The following PLXNA4 variants were observed in gnomAD, a reference collection of about 807,000 sequenced individuals.
PLXNA4 encodes plexin-A4.
PLXNA4 carries 44 observed loss-of-function variants against 191.8 expected under a neutral mutation model. The observed-to-expected ratio is 0.23, with a 90% CI of 0.18 to 0.29. The LOEUF (loss-of-function observed/expected upper bound fraction) is 0.29, where lower values mean the gene tolerates loss of function less well. PLXNA4 is among the 10% of genes least tolerant of loss of function. The probability of loss-of-function intolerance (pLI) is 1.00; values close to 1 mark genes in which losing one functional copy is unlikely to be tolerated. For missense variants in PLXNA4, 1,800 were observed against 2,488.8 expected (o/e 0.72, Z 5.89); for synonymous variants, 1,082 against 1,009.5 (o/e 1.07, Z -1.36).
chr7:132,366,933 T>G (rs1163001296), intron 3 of PLXNA4, among the ~76,000 whole-genome samples: 2 of 152,002 alleles, frequency 1.3e-5, no homozygotes, highest in Non-Finnish European at 2.9e-5. Context: ...AGCTAATTTT[T>G]TTGTTGTTGT....
chr7:132,179,765 C>G lies in PLXNA4; in HGVS notation c.3796G>C (p.Glu1266Gln), dbSNP rs1307432722. 2 of 1,614,116 alleles carry G rather than the reference C, an allele frequency of 1.2e-6. No homozygotes were observed. The highest frequency in any genetic ancestry group is 1.7e-6 in the Non-Finnish European group (2 of 1,180,040). The change falls in exon 20 of 32, where the codon GAA (glutamate) becomes CAA (glutamine). Residue 1266 changes from glutamate (E) to glutamine (Q), a missense_variant. Coordinates refer to ENST00000321063, the MANE Select transcript of PLXNA4 (RefSeq NM_020911.2). ...VLIAYKRKSR[E>Q]SDLTLKRLQM... ...AGCCGCTTCAGCGTGAGGTCACTTT[C>G]GCGGGACTTGCGTTTATAGGCAATG...
intron 1 of PLXNA4, among the ~76,000 whole-genome samples, chr7:132,550,195 G>T (rs1800498218): frequency 6.6e-6 from 1 of 152,168 alleles, no homozygotes; most frequent in African/African-American, 2.4e-5. Flanking sequence ...TTGCAACTCA[G>T]AGTACCCCTG....
In PLXNA4 at chr7:132,257,624, G is replaced by T. The variant is rs1050873460; in HGVS notation, c.1504-16458C>A. On this transcript the variant is annotated intron_variant, in intron 4 of 31. Transcript: ENST00000321063. ...ATCCTGTCTTGGGGCCAAGGGTATG[G>T]TCTGGGGACACAGAGCAGCAGGAGC... is the stretch of plus-strand genomic sequence containing the variant. Among the ~76,000 whole-genome samples the T allele has an allele frequency of 2.0e-5, 3 of 152,196 alleles. No individual in the cohort carries two copies. The East Asian group carries it at 5.8e-4, about 29-fold the overall frequency.
intron 1 of PLXNA4, among the ~76,000 whole-genome samples, chr7:132,561,355 TCTCC>T (rs1297327687): frequency 7.1e-6 from 1 of 141,052 alleles, no homozygotes; most frequent in Admixed American, 7.1e-5. Context: ...CTCCTCTTCC[TCTCC>T]CTCCTTCTTG....
At chr7:132,616,616 A>T (rs1330393294) in intron 2 of PLXNA4, among the ~76,000 whole-genome samples, 1 of 152,244 alleles carries the variant, frequency 6.6e-6, no homozygotes, top group Non-Finnish European at 1.5e-5. Context: ...AACATTATTT[A>T]TACTACAAAT....
At chr7:132,385,299 GA>G (rs1433003487) in intron 3 of PLXNA4, 1 of 1,608,972 alleles carries the variant, frequency 6.2e-7, no homozygotes, top group South Asian at 1.1e-5. Flanking sequence ...CAGGCATCTG[GA>G]AAAGATGAAA....
At position 132,454,342 on chromosome 7, in the gene PLXNA4, C is replaced by G. The variant is rs566418355; in HGVS notation, c.1371+34950G>C. 1.2e-4 allele frequency among the ~76,000 whole-genome samples: 19 copies of G among 152,294 alleles called. No homozygotes were observed. The South Asian group carries it at 3.7e-3, about 30-fold the overall frequency. ...TGCATTGCCTTCTTAAGAACAACAA[C>G]AAGAAGCCTCTCCATTTTCTTTGCA... is the stretch of plus-strand genomic sequence containing the variant. On this transcript the variant is annotated intron_variant, in intron 3 of 31. Coordinates refer to ENST00000321063, the MANE Select transcript of PLXNA4 (RefSeq NM_020911.2).
chr7:132,388,392 T>C (rs560547260), intron 3 of PLXNA4, among the ~76,000 whole-genome samples: 1 of 152,272 alleles, frequency 6.6e-6, no homozygotes, highest in African/African-American at 2.4e-5. Context: ...CCACATTGTG[T>C]CCCTGCCTGA....
intron 3 of PLXNA4, among the ~76,000 whole-genome samples, chr7:132,412,847 C>T (rs950150680): frequency 1.3e-5 from 2 of 152,038 alleles, no homozygotes; most frequent in African/African-American, 4.8e-5. Context: ...CCTGGAGCAC[C>T]GGGGAGGGAC....
chr7:132,222,804 A>C (rs1267503562), intron 9 of PLXNA4, among the ~76,000 whole-genome samples: 2 of 152,246 alleles, frequency 1.3e-5, no homozygotes, highest in African/African-American at 4.8e-5. Context: ...TGAGTGTTCA[A>C]GAAGAATAAA....
At chr7:132,420,219 C>G (rs774633149) in intron 3 of PLXNA4, among the ~76,000 whole-genome samples, 1 of 152,222 alleles carries the variant, frequency 6.6e-6, no homozygotes, top group Non-Finnish European at 1.5e-5. Context: ...AATTGATGGT[C>G]TCTGTTCCCC....
At chr7:132,447,818 C>T (rs1795967764) in intron 3 of PLXNA4, among the ~76,000 whole-genome samples, 2 of 73,722 alleles carry the variant, frequency 2.7e-5, no homozygotes, top group Admixed American at 2.0e-4. Context: ...TGAAGCCCAC[C>T]TGTACTTAAA....
At chr7:132,563,918 TCTCCTCCTTTTCCTCGTCCTC>T (rs1801547452) in intron 1 of PLXNA4, among the ~76,000 whole-genome samples, 1 of 95,556 alleles carries the variant, frequency 1.0e-5, no homozygotes, top group Non-Finnish European at 2.1e-5. Context: ...TCCTCCTCCT[TCTCCTCCTTTTCCTCGTCCTC>T]CTCCTCCTCC....
At chr7:132,553,941 T>C (rs1800678896) in intron 1 of PLXNA4, among the ~76,000 whole-genome samples, 1 of 152,126 alleles carries the variant, frequency 6.6e-6, no homozygotes, top group African/African-American at 2.4e-5. Flanking sequence ...TTTCAGCCCT[T>C]ATTTGCTCCC....
chr7:132,297,155 G>A (rs1407597850), intron 4 of PLXNA4, among the ~76,000 whole-genome samples: 2 of 152,160 alleles, frequency 1.3e-5, no homozygotes, highest in Admixed American at 6.5e-5. Flanking sequence ...TTCAGGCCAC[G>A]CTGACGAGGA....
intron 8 of PLXNA4, among the ~76,000 whole-genome samples, chr7:132,225,010 G>A (rs1409300769): frequency 1.3e-5 from 2 of 152,166 alleles, no homozygotes; most frequent in Non-Finnish European, 2.9e-5. Context: ...AGTTCCTTTG[G>A]AGAATGTGTA....
At chr7:132,514,802 GCA>G (rs10632716) in intron 1 of PLXNA4, among the ~76,000 whole-genome samples, 53,589 of 148,582 alleles carry the variant, frequency 0.36, 9,647 homozygotes, top group African/African-American at 0.45. Flanking sequence ...GTGTCTCTAT[GCA>G]CACACACACA....
intron 3 of PLXNA4, among the ~76,000 whole-genome samples, chr7:132,311,193 T>TGTGTGTGTGTGTGTGCGCGC (rs71178034): frequency 1.6e-4 from 14 of 89,906 alleles, no homozygotes; most frequent in African/African-American, 3.8e-4. Context: ...TGTGTGTGTG[T>TGTGTGTGTGTGTGTGCGCGC]GCGCGTGTGG....
At chr7:132,370,692 C>A (rs1184639897) in intron 3 of PLXNA4, among the ~76,000 whole-genome samples, 1 of 152,132 alleles carries the variant, frequency 6.6e-6, no homozygotes, top group East Asian at 1.9e-4. Flanking sequence ...CTATGTATAA[C>A]AAACTCATGC....
Sources: allele counts gnomAD v4.1 joint callset (sites outside exome capture counted in the v4.1 genomes callset), GRCh38; gene constraint gnomAD v4.1.1; transcripts MANE v1.5; gene names NCBI Gene and HGNC (gene_info 2026-07-23, HGNC 2026-07-21).